The following SBK2 variants were observed in gnomAD, a reference collection of about 807,000 sequenced individuals.
SBK2 encodes serine/threonine-protein kinase SBK2.
A neutral mutation model predicts 15.9 loss-of-function variants in SBK2; 18 were observed. The ratio of observed to expected loss-of-function variants is 1.13; its 90% CI spans 0.78 to 1.68. The LOEUF (loss-of-function observed/expected upper bound fraction) is 1.68. Among genes scored for constraint, SBK2 ranks in the 40% most tolerant of loss-of-function variants. The pLI is 0.00. For synonymous variants in SBK2, 284 were observed against 246.8 expected (o/e 1.15, Z -1.41); for missense variants, 581 against 510.9 (o/e 1.14, Z -1.32).
At chr19:55,532,505 G>A (rs1265011326) in intron 2 of SBK2, among the ~76,000 whole-genome samples, 1 of 151,160 alleles carries the variant, frequency 6.6e-6, no homozygotes, top group Non-Finnish European at 1.5e-5. Context: ...GTTTCACCAT[G>A]TTGGTCAGGC....
chr19:55,535,741 G>A (rs1203307064), intron 2 of SBK2, among the ~76,000 whole-genome samples: 1 of 152,110 alleles, frequency 6.6e-6, no homozygotes, highest in Non-Finnish European at 1.5e-5. Flanking sequence ...AAATGTAGCT[G>A]GGTGTGGTAG....
chr19:55,532,250 G>A (rs1048474657), intron 2 of SBK2, among the ~76,000 whole-genome samples: 20 of 149,622 alleles, frequency 1.3e-4, no homozygotes, highest in Non-Finnish European at 2.7e-4. Context: ...GTGTGGAAAC[G>A]ACTTCCTAGA....
Position 55,529,877 on chromosome 19 carries a change from G to A in SBK2, c.903C>T (p.Asp301=), listed in dbSNP as rs775484962. ...GGTCCAGCAGCCCCCGCAGAAGCGC[G>A]TCGGCCGCGGCGGCCAGGCCGAACC... ...QPWFGLAAAA[D]ALLRGLLDPH... The change falls in exon 4 of 4, where the codon GAC becomes GAT. Residue 301 remains aspartate (D), a synonymous_variant. Coordinates refer to ENST00000413299, the MANE Select transcript of SBK2 (RefSeq NM_001370096.2). The A allele has an allele frequency of 2.1e-5, 34 of 1,591,252 alleles. No homozygotes were observed. Among genetic ancestry groups the A allele is most frequent in the African/African-American group, 5.4e-5 (4 of 74,154 alleles).
chr19:55,528,736 G>T lies in SBK2; in HGVS notation c.*997C>A, dbSNP rs1304222235. On this transcript the variant is annotated 3_prime_UTR_variant, in exon 4 of 4. Transcript: ENST00000413299. ...GAGAGAAGGAGAGAGGACGGCGGGA[G>T]GACAGGGACGGAGGGGAGGCTGCGC... Among the ~76,000 whole-genome samples the T allele has an allele frequency of 6.6e-6, 1 of 152,156 alleles. No individual in the cohort carries two copies. The highest frequency in any genetic ancestry group is 1.9e-4 in the East Asian group (1 of 5,196).
chr19:55,533,186 G>A (rs554996734), intron 2 of SBK2, among the ~76,000 whole-genome samples: 1 of 151,786 alleles, frequency 6.6e-6, no homozygotes, highest in Non-Finnish European at 1.5e-5. Flanking sequence ...ACAAAAATTA[G>A]CCGGTGTGGT....
At chr19:55,535,890 C>G in intron 2 of SBK2, 152 bp downstream of exon 2, 4 of 757,954 alleles carry the variant, frequency 5.3e-6, no homozygotes, top group Non-Finnish European at 7.5e-6. Flanking sequence ...AACAACCAAC[C>G]AACCAAAAGA....
chr19:55,534,670 G>A (rs1988350316), intron 2 of SBK2, among the ~76,000 whole-genome samples: 1 of 128,652 alleles, frequency 7.8e-6, no homozygotes, highest in Non-Finnish European at 1.5e-5. Context: ...TTGTGCCACT[G>A]CACTCCAGCC....
At position 55,536,215 on chromosome 19, in the gene SBK2, A is replaced by G. The variant is rs749336491; in HGVS notation, c.80T>C (p.Leu27Pro). The G allele has an allele frequency of 4.5e-5, 72 of 1,606,716 alleles. No homozygotes were observed. The highest frequency in any genetic ancestry group is 4.1e-5 in the Non-Finnish European group (48 of 1,177,226). The change falls in exon 2 of 4, where the codon CTG becomes CCG. Residue 27 changes from leucine (L) to proline (P), a missense_variant. By Grantham distance (98) the Leu-to-Pro change is moderately conservative (BLOSUM62 -3). Transcript: ENST00000413299. ...EDSEEEGLGG[L>P]TLEELQQGQE... ...GCCCTGCTGGAGCTCCTCTAATGTCAGGCCGCCCAGACCCTCCTCCTCGCT... is the reference window on the plus strand; with the variant it reads ...GCCCTGCTGGAGCTCCTCTAATGTCGGGCCGCCCAGACCCTCCTCCTCGCT...
rs777443605 is a variant in SBK2 at position 55,531,251 on chromosome 19, G to GCCCCACACAGAACCA, written c.347_348insTGGTTCTGTGTGGGG (p.His116_Ser117insGlySerValTrpGly). ...TGCCGTAGGCCGTCACGATGGCTGA[G>GCCCCACACAGAACCA]TGCGCGCCCAGCGAGAGCCCCACAC... On this transcript the variant is annotated inframe_insertion, in exon 3 of 4. Transcript: ENST00000413299. The GCCCCACACAGAACCA allele has an allele frequency of 3.6e-5, 58 of 1,613,616 alleles. No homozygotes were observed. The Middle Eastern group carries it at 1.5e-3, about 41-fold the overall frequency.
At position 55,536,288 on chromosome 19, in the gene SBK2, C is replaced by T. The variant is rs755066296; in HGVS notation, c.7G>A (p.Gly3Ser). 44 of 1,571,566 alleles carry T rather than the reference C, an allele frequency of 2.8e-5. No homozygotes were observed. Among genetic ancestry groups the T allele is most frequent in the Middle Eastern group, 1.8e-4 (1 of 5,562 alleles). Residue 3 changes from glycine (G) to serine (S), a missense_variant, in exon 2 of 4, where the codon GGC (glycine) becomes AGC (serine). Coordinates refer to ENST00000413299, the MANE Select transcript of SBK2 (RefSeq NM_001370096.2). MPGKQSEEGPAEA... is the reference protein window; with the variant it reads MPSKQSEEGPAEA... ...GCCGGCCCTTCCTCAGACTGTTTGCCGGGCATCTCTGCGAGAACAGAGAGG... is the reference window on the plus strand; with the variant it reads ...GCCGGCCCTTCCTCAGACTGTTTGCTGGGCATCTCTGCGAGAACAGAGAGG...
chr19:55,534,155 G>T (rs310456), intron 2 of SBK2, among the ~76,000 whole-genome samples: 123,037 of 152,030 alleles, frequency 0.81, 49,964 homozygotes, highest in African/African-American at 0.85. Flanking sequence ...AACCCCCCCA[G>T]TGCTGAATGT....
rs55786018 is a variant in SBK2 at position 55,529,865 on chromosome 19, C to T, written c.915G>A (p.Arg305=). The T allele has an allele frequency of 2.5e-3, 3,960 of 1,599,390 alleles. 9 individuals are homozygous for T. Among genetic ancestry groups the T allele is most frequent in the Non-Finnish European group, 3.2e-3 (3,722 of 1,176,158 alleles). Residue 305 remains arginine, a synonymous_variant, in exon 4 of 4, where the codon CGG becomes CGA. Transcript: ENST00000413299. ...TTCGGGGGTGAGGGTCCAGCAGCCC[C>T]CGCAGAAGCGCGTCGGCCGCGGCGG... ...GLAAAADALL[R]GLLDPHPRRR...
intron 2 of SBK2, among the ~76,000 whole-genome samples, chr19:55,535,449 A>G (rs1313391592): frequency 6.6e-6 from 1 of 152,196 alleles, no homozygotes; most frequent in African/African-American, 2.4e-5. Context: ...CCAGCATTAT[A>G]CAACCCCAGC....
intron 2 of SBK2, among the ~76,000 whole-genome samples, chr19:55,532,332 C>T (rs1273795302): frequency 7.6e-6 from 1 of 131,916 alleles, no homozygotes; most frequent in East Asian, 2.5e-4. Flanking sequence ...GATGCAGTTT[C>T]ACGCTTGTTG....
At position 55,529,291 on chromosome 19, in the gene SBK2, G is replaced by A. The variant is rs959081884; in HGVS notation, c.*442C>T. ...CATGCCTGTAGTCCCAGCTACTCAG[G>A]AGGCTGAGGCAGGAAGATTGCTTGA... On this transcript the variant is annotated 3_prime_UTR_variant, in exon 4 of 4. Coordinates refer to ENST00000413299, the MANE Select transcript of SBK2 (RefSeq NM_001370096.2). Among the ~76,000 whole-genome samples the A allele has an allele frequency of 2.0e-5, 3 of 152,206 alleles. No individual in the cohort carries two copies. Among genetic ancestry groups the A allele is most frequent in the Non-Finnish European group, 4.4e-5 (3 of 68,036 alleles).
At position 55,530,130 on chromosome 19, in the gene SBK2, G is replaced by C; in HGVS notation, c.650C>G (p.Ala217Gly). Reference protein sequence around the residue: ...TRPRGTLLRLAGPPIPYTAPE... With the variant: ...TRPRGTLLRLGGPPIPYTAPE... ...GGCCGTGTAGGGGATGGGCGGCCCG[G>C]CCAGGCGCAGCAGCGTCCCGCGAGG... Residue 217 changes from alanine (A) to glycine (G), a missense_variant, in exon 4 of 4, where the codon GCC (alanine) becomes GGC (glycine). By Grantham distance (60) the Ala-to-Gly change is moderately conservative. Coordinates refer to ENST00000413299, the MANE Select transcript of SBK2 (RefSeq NM_001370096.2). The C allele has an allele frequency of 2.7e-6, 4 of 1,468,094 alleles. No individual in the cohort carries two copies. Among genetic ancestry groups the C allele is most frequent in the Non-Finnish European group, 2.7e-6 (3 of 1,113,424 alleles). The allele number at this position is 1,468,094 out of a possible 1,614,324, so 90.9% of individuals were successfully genotyped here. A position where few individuals can be genotyped will look rare whatever the true frequency, so the allele number is the denominator to read the frequency against.
In SBK2 at chr19:55,536,240, T is replaced by A. The variant is rs995456575; in HGVS notation, c.55A>T (p.Ser19Cys). 77 of 1,600,410 alleles carry A rather than the reference T, an allele frequency of 4.8e-5. 2 individuals carry two copies. Among genetic ancestry groups the A allele is most frequent in the Admixed American group, 3.4e-5 (2 of 58,144 alleles). Reference sequence around the variant, plus strand: ...AGGCCGCCCAGACCCTCCTCCTCGCTGTCCTCCGAAGCCCCTGCCTCCGCC... The same window carrying A: ...AGGCCGCCCAGACCCTCCTCCTCGCAGTCCTCCGAAGCCCCTGCCTCCGCC... The part of the protein sequence containing the change: ...GPAEAGASED[S>C]EEEGLGGLTL... The change falls in exon 2 of 4, where the codon AGC (serine) becomes TGC (cysteine). Residue 19 changes from serine (S) to cysteine (C), a missense_variant. Physicochemically the swap from Ser to Cys is moderately radical, Grantham distance 112 (BLOSUM62 -1). Transcript: ENST00000413299.
At chr19:55,531,052 A>T in intron 3 of SBK2, 91 bp downstream of exon 3, 1 of 1,232,258 alleles carries the variant, frequency 8.1e-7, no homozygotes, top group Non-Finnish European at 1.2e-6. Flanking sequence ...GGCCCAACGC[A>T]GTGGCTGTGG....
chr19:55,534,732 A>G (rs977499254), intron 2 of SBK2, among the ~76,000 whole-genome samples: 3 of 139,780 alleles, frequency 2.1e-5, no homozygotes, highest in African/African-American at 8.0e-5. Flanking sequence ...AAAAAAAAAG[A>G]AAAGAAAAAA....
Sources: gnomAD v4.1 joint callset for allele counts (sites outside exome capture counted in the v4.1 genomes callset) on GRCh38, gnomAD v4.1.1 for gene constraint, MANE v1.5 for transcripts, NCBI Gene and HGNC (gene_info 2026-07-23, HGNC 2026-07-21) for gene names.